The following NRG3 variants were observed in gnomAD, a reference collection of about 807,000 sequenced individuals.
NRG3 encodes the protein neuregulin 3.
Under a neutral mutation model 66.9 loss-of-function variants are expected in NRG3, and 31 were observed. The observed-to-expected ratio is 0.46, with a 90% CI of 0.35 to 0.63. The LOEUF (loss-of-function observed/expected upper bound fraction) is 0.63. Ranked by LOEUF, NRG3 falls within the 20% of genes least tolerant of loss-of-function variation. NRG3 has a pLI of 0.00. For missense variants in NRG3, 910 were observed against 878.9 expected (o/e 1.04, Z -0.45); for synonymous variants, 393 against 359.4 (o/e 1.09, Z -1.06).
At chr10:82,585,019 G>T (rs1353382279) in intron 2 of NRG3, among the ~76,000 whole-genome samples, 3 of 130,580 alleles carry the variant, frequency 2.3e-5, no homozygotes, top group Non-Finnish European at 4.9e-5. Context: ...TTTGGGGGGG[G>T]AACGGGGGGA....
chr10:82,596,290 T>A (rs554508557), intron 2 of NRG3, among the ~76,000 whole-genome samples: 1 of 152,268 alleles, frequency 6.6e-6, no homozygotes, highest in East Asian at 1.9e-4. Flanking sequence ...AGAGTAGAAT[T>A]GGAAATGGAG....
At position 82,811,934 on chromosome 10, in the gene NRG3, T is replaced by G. The variant is rs541069505; in HGVS notation, c.1028-53477T>G. Among the ~76,000 whole-genome samples the G allele has an allele frequency of 3.3e-5, 5 of 152,328 alleles. No homozygotes were observed. The East Asian group carries it at 7.7e-4, about 24-fold the overall frequency. On this transcript the variant is annotated intron_variant, in intron 3 of 8. Coordinates refer to ENST00000372141, the MANE Select transcript of NRG3 (RefSeq NM_001010848.4). Reference sequence around the variant, plus strand: ...GTAAAACACCTTGTAGACTGGATCCTACAATCTTTGGTCACACCAGAGCTT... The same window carrying G: ...GTAAAACACCTTGTAGACTGGATCCGACAATCTTTGGTCACACCAGAGCTT...
At chr10:82,862,239 A>G (rs1298944058) in intron 3 of NRG3, among the ~76,000 whole-genome samples, 2 of 152,186 alleles carry the variant, frequency 1.3e-5, no homozygotes, top group Non-Finnish European at 2.9e-5. Context: ...GGCTTGGGGA[A>G]GAGAACAAAA....
At chr10:82,739,920 T>C (rs1347718879) in intron 3 of NRG3, among the ~76,000 whole-genome samples, 2 of 152,210 alleles carry the variant, frequency 1.3e-5, no homozygotes, top group African/African-American at 2.4e-5. Context: ...AGGGTATTCA[T>C]GGTTATGATG....
intron 1 of NRG3, among the ~76,000 whole-genome samples, chr10:81,927,145 T>A (rs1846885414): frequency 1.3e-5 from 2 of 152,332 alleles, no homozygotes; most frequent in East Asian, 3.9e-4. Context: ...AAGTATAAGA[T>A]GAATATGATC....
chr10:82,291,792 C>A (rs2079763859), intron 1 of NRG3, among the ~76,000 whole-genome samples: 1 of 152,114 alleles, frequency 6.6e-6, no homozygotes, highest in African/African-American at 2.4e-5. Flanking sequence ...CCCAACTGAA[C>A]CTCCACATAA....
chr10:82,850,639 G>T (rs1018758456), intron 3 of NRG3, among the ~76,000 whole-genome samples: 15 of 151,594 alleles, frequency 9.9e-5, no homozygotes, highest in African/African-American at 2.9e-4. Context: ...AAAATTATTT[G>T]CATCTAGCTG....
intron 1 of NRG3, among the ~76,000 whole-genome samples, chr10:81,929,365 A>T (rs569244114): frequency 6.6e-5 from 10 of 152,314 alleles, no homozygotes; most frequent in Non-Finnish European, 8.8e-5. Context: ...AAAACATAAT[A>T]ATCCTTTGAG....
intron 3 of NRG3, among the ~76,000 whole-genome samples, chr10:82,804,116 T>C (rs1283952329): frequency 6.6e-6 from 1 of 152,186 alleles, no homozygotes; most frequent in Non-Finnish European, 1.5e-5. Flanking sequence ...AAGTAACCCT[T>C]GTTTTACTTA....
intron 1 of NRG3, among the ~76,000 whole-genome samples, chr10:82,147,641 C>A (rs2070356823): frequency 6.6e-6 from 1 of 152,218 alleles, no homozygotes; most frequent in Non-Finnish European, 1.5e-5. Flanking sequence ...CGTTAGCCAG[C>A]CTCAGTGTGT....
chr10:82,609,600 A>G (rs887014678), intron 2 of NRG3, among the ~76,000 whole-genome samples: 5 of 151,978 alleles, frequency 3.3e-5, no homozygotes, highest in South Asian at 2.1e-4. Flanking sequence ...AAAAAAAAAA[A>G]AGAGAGAGAG....
chr10:81,875,747 C>G lies in NRG3; in HGVS notation c.407C>G (p.Ser136Cys), dbSNP rs1395228991. The G allele has an allele frequency of 1.2e-6, 2 of 1,612,660 alleles. No individual in the cohort carries two copies. Among genetic ancestry groups the G allele is most frequent in the Non-Finnish European group, 8.5e-7 (1 of 1,179,718 alleles). ...ETTTTTTSTTSPATPSAGGAA... is the reference protein window; with the variant it reads ...ETTTTTTSTTCPATPSAGGAA... The stretch of plus-strand genomic sequence containing the variant: ...ACCACCACTACCACTTCCACCACGT[C>G]CCCCGCCACCCCCTCCGCCGGGGGT... Residue 136 changes from serine (S) to cysteine (C), a missense_variant, in exon 1 of 9, where the codon TCC (serine) becomes TGC (cysteine). By Grantham distance (112) the Ser-to-Cys change is moderately radical. Coordinates refer to ENST00000372141, the MANE Select transcript of NRG3 (RefSeq NM_001010848.4). The surrounding 1 kb of genome is among the most constrained non-coding windows in gnomAD (Gnocchi z 5.3).
chr10:82,400,541 G>A (rs1282392063), intron 2 of NRG3, among the ~76,000 whole-genome samples: 4 of 151,228 alleles, frequency 2.6e-5, no homozygotes, highest in African/African-American at 9.7e-5. Flanking sequence ...GAGAGGTGAA[G>A]TAACTCGGTC....
intron 1 of NRG3, among the ~76,000 whole-genome samples, chr10:82,323,800 A>G (rs1232383338): frequency 6.6e-6 from 1 of 152,176 alleles, no homozygotes; most frequent in Non-Finnish European, 1.5e-5. Flanking sequence ...ATAATTATAT[A>G]TAGGAAAATT....
chr10:81,961,109 T>C (rs1850316312), intron 1 of NRG3, among the ~76,000 whole-genome samples: 1 of 152,144 alleles, frequency 6.6e-6, no homozygotes, highest in Non-Finnish European at 1.5e-5. Context: ...TTCAGAATGC[T>C]ATAATGAAGG....
chr10:81,921,050 A>G (rs1846204282), intron 1 of NRG3, among the ~76,000 whole-genome samples: 1 of 152,032 alleles, frequency 6.6e-6, no homozygotes, highest in African/African-American at 2.4e-5. Flanking sequence ...TTTGGTATGT[A>G]TTTGCAAATT....
chr10:82,382,414 A>AT lies in NRG3; in HGVS notation c.953+23547dup, dbSNP rs1192356683. ...CTTCTCATTGCTTAACTAGTATGTGATAACTAGTTAAGCACAAATTTGTGT... is the reference window on the plus strand; with the variant it reads ...CTTCTCATTGCTTAACTAGTATGTGATTAACTAGTTAAGCACAAATTTGTGT... On this transcript the variant is annotated intron_variant, in intron 2 of 8. Coordinates refer to ENST00000372141, the MANE Select transcript of NRG3 (RefSeq NM_001010848.4). Among the ~76,000 whole-genome samples the AT allele has an allele frequency of 5.2e-4, 79 of 152,086 alleles. 1 individual carries two copies. The Middle Eastern group carries it at 0.017, about 33-fold the overall frequency.
At chr10:82,694,969 A>T (rs2134235064) in intron 2 of NRG3, among the ~76,000 whole-genome samples, 1 of 152,236 alleles carries the variant, frequency 6.6e-6, no homozygotes. Context: ...TTACAATCTC[A>T]TTTTAAGGCA....
intron 5 of NRG3, among the ~76,000 whole-genome samples, chr10:82,956,694 G>C (rs916629287): frequency 6.6e-6 from 1 of 151,902 alleles, no homozygotes; most frequent in Non-Finnish European, 1.5e-5. Context: ...TCCTTGCTCT[G>C]AGACATGCAC....
Sources: gnomAD v4.1 joint callset for allele counts (sites outside exome capture counted in the v4.1 genomes callset) on GRCh38, gnomAD v4.1.1 for gene constraint, Gnocchi (gnomAD v3.1) non-coding constraint, MANE v1.5 for transcripts, NCBI Gene and HGNC (gene_info 2026-07-23, HGNC 2026-07-21) for gene names.